PSMB3: variants seen among roughly 807,000 people sequenced by gnomAD.
PSMB3 encodes proteasome 20S subunit beta 3.
PSMB3 carries 5 observed loss-of-function variants against 23.3 expected under a neutral mutation model. The observed-to-expected ratio is 0.21, with a 90% CI of 0.11 to 0.45. PSMB3 has a LOEUF of 0.45. PSMB3 is among the 20% of genes least tolerant of loss of function. The pLI, the probability that PSMB3 is intolerant of heterozygous loss-of-function variation, is 0.99. For missense variants in PSMB3, 192 were observed against 277.9 expected (o/e 0.69, Z 2.20); for synonymous variants, 85 against 99.8 (o/e 0.85, Z 0.88).
Position 38,755,969 on chromosome 17 carries a change from C to T in PSMB3, c.275C>T (p.Ala92Val), listed in dbSNP as rs1335121199. 6.2e-7 allele frequency: 1 copy of T among 1,613,718 alleles called. No homozygotes were observed. Among genetic ancestry groups the T allele is most frequent in the Admixed American group, 1.7e-5 (1 of 60,000 alleles). The change falls in exon 3 of 6, where the codon GCC (alanine) becomes GTC (valine). Residue 92 changes from alanine to valine, a missense_variant. Transcript: ENST00000619426. ...CCTTATACCCTCATGAGCATGGTGG[C>T]CAACCTCTTGTATGAGAAACGGTGA... The part of the protein sequence containing the change: ...IKPYTLMSMV[A>V]NLLYEKRFGP...
chr17:38,760,722 A>C, intron 4 of PSMB3, 114 bp downstream of exon 4: 1 of 1,222,508 alleles, frequency 8.2e-7, no homozygotes, highest in Non-Finnish European at 1.1e-6. Context: ...TGGGAGAGAA[A>C]GCCACAGCTG....
At chr17:38,760,971 GT>G (rs921583536) in intron 4 of PSMB3, among the ~76,000 whole-genome samples, 11 of 152,176 alleles carry the variant, frequency 7.2e-5, no homozygotes, top group African/African-American at 2.7e-4. Flanking sequence ...CACCACCTTA[GT>G]TATTGTTCTT....
chr17:38,753,301 G>A lies in PSMB3; in HGVS notation c.155G>A (p.Gly52Asp), dbSNP rs774139707. 1 of 1,614,098 alleles carries A rather than the reference G, an allele frequency of 6.2e-7. No individual in the cohort carries two copies. Among genetic ancestry groups the A allele is most frequent in the Non-Finnish European group, 8.5e-7 (1 of 1,180,010 alleles). Residue 52 changes from glycine to aspartate, a missense_variant, in exon 2 of 6, where the codon GGT becomes GAT. By Grantham distance (94) the Gly-to-Asp change is moderately conservative (BLOSUM62 -1). Coordinates refer to ENST00000619426, the MANE Select transcript of PSMB3 (RefSeq NM_002795.4). ...IFPMGDRLYI[G>D]LAGLATDVQT... ...CCCATGGGTGACCGGCTGTACATCG[G>A]TCTGGCCGGGCTCGCCACTGACGTC... is the stretch of plus-strand genomic sequence containing the variant.
At chr17:38,754,572 C>T (rs228275) in intron 2 of PSMB3, among the ~76,000 whole-genome samples, 48,763 of 152,112 alleles carry the variant, frequency 0.32, 8,702 homozygotes, top group East Asian at 0.65. Flanking sequence ...ACCCAGCCTG[C>T]CCTTTTTTCC....
chr17:38,753,414 C>A, intron 2 of PSMB3, 80 bp downstream of exon 2: 1 of 1,419,112 alleles, frequency 7.0e-7, no homozygotes, highest in Non-Finnish European at 9.6e-7. Flanking sequence ...GCCAAGGTGT[C>A]AGTCATCTAC....
intron 2 of PSMB3, among the ~76,000 whole-genome samples, chr17:38,755,676 A>C (rs898945617): frequency 9.3e-6 from 1 of 107,776 alleles, no homozygotes; most frequent in African/African-American, 3.6e-5. Flanking sequence ...ATATATATAT[A>C]TATATATGTG....
chr17:38,757,476 C>T (rs1353103890), intron 3 of PSMB3, among the ~76,000 whole-genome samples: 1 of 151,384 alleles, frequency 6.6e-6, no homozygotes, highest in African/African-American at 2.4e-5. Context: ...CAAGATCATG[C>T]CACTGTACTC....
chr17:38,755,393 C>G (rs930753159), intron 2 of PSMB3: 1 of 151,984 alleles, frequency 6.6e-6, no homozygotes, highest in South Asian at 2.1e-4. Flanking sequence ...CGCCTGTAAT[C>G]CCAGCACTTT....
chr17:38,753,425 C>G (rs1908025736), intron 2 of PSMB3, 91 bp downstream of exon 2: 4 of 1,306,838 alleles, frequency 3.1e-6, no homozygotes, highest in Non-Finnish European at 4.2e-6. Context: ...AGTCATCTAC[C>G]ACACACCACC....
chr17:38,755,646 T>TTA (rs1908137312), intron 2 of PSMB3, among the ~76,000 whole-genome samples: 1 of 66,446 alleles, frequency 1.5e-5, no homozygotes, highest in Admixed American at 2.2e-4. Context: ...AGACTCCGTC[T>TTA]AAAAAAAAAA....
chr17:38,753,032 G>A, intron 1 of PSMB3, 118 bp from the exon 2 acceptor site: 2 of 1,296,650 alleles, frequency 1.5e-6, no homozygotes, highest in Non-Finnish European at 2.1e-6. Context: ...AGAACCAGGG[G>A]TTCAGACGCC....
chr17:38,756,742 T>C (rs1908214051), intron 3 of PSMB3, among the ~76,000 whole-genome samples: 1 of 152,020 alleles, frequency 6.6e-6, no homozygotes, highest in South Asian at 2.1e-4. Flanking sequence ...GTGATCCACC[T>C]ACCTTGGCCT....
intron 3 of PSMB3, among the ~76,000 whole-genome samples, chr17:38,758,066 G>A (rs972763279): frequency 6.6e-6 from 1 of 152,150 alleles, no homozygotes; most frequent in Non-Finnish European, 1.5e-5. Flanking sequence ...CTGATGCCGA[G>A]TTACCATCTG....
chr17:38,755,713 T>TGTGTGC (rs1908164956), intron 2 of PSMB3, among the ~76,000 whole-genome samples, 170 bp from the exon 3 acceptor site: 1 of 116,472 alleles, frequency 8.6e-6, no homozygotes, highest in Non-Finnish European at 1.8e-5. Context: ...TGTGTGTGTG[T>TGTGTGC]GTGCTGCCAA....
intron 5 of PSMB3, among the ~76,000 whole-genome samples, chr17:38,763,387 A>G (rs1315666421): frequency 6.6e-6 from 1 of 151,970 alleles, no homozygotes; most frequent in Non-Finnish European, 1.5e-5. Flanking sequence ...AAAACCCAAA[A>G]AACAGAATTT....
At chr17:38,755,003 C>CTT (rs35692048) in intron 2 of PSMB3, among the ~76,000 whole-genome samples, 118 of 144,924 alleles carry the variant, frequency 8.1e-4, no homozygotes, top group African/African-American at 1.9e-3. Flanking sequence ...GTGCTGCCCC[C>CTT]TTTTTTTTTT....
At chr17:38,761,370 G>A (rs56202350) in intron 4 of PSMB3, among the ~76,000 whole-genome samples, 5,226 of 149,452 alleles carry the variant, frequency 0.035, 331 homozygotes, top group African/African-American at 0.13. Flanking sequence ...AAAAAAAGTG[G>A]TGCTGAGGAA....
At chr17:38,755,839 A>G in intron 2 of PSMB3, 44 bp from the exon 3 acceptor site, 1 of 1,515,370 alleles carries the variant, frequency 6.6e-7, no homozygotes, top group African/African-American at 1.4e-5. Context: ...GACACTCAGG[A>G]ATATTCAATA....
chr17:38,753,522 A>C (rs572146424), intron 2 of PSMB3, among the ~76,000 whole-genome samples, 188 bp downstream of exon 2: 1 of 150,948 alleles, frequency 6.6e-6, no homozygotes, highest in Admixed American at 6.6e-5. Flanking sequence ...TCTGTCACCC[A>C]GGCTGGAGCT....
Sources: allele counts gnomAD v4.1 joint callset (sites outside exome capture counted in the v4.1 genomes callset), GRCh38; gene constraint gnomAD v4.1.1; transcripts MANE v1.5; gene names NCBI Gene and HGNC (gene_info 2026-07-23, HGNC 2026-07-21).